Variants in CA11 observed in about 807,000 individuals in gnomAD.
The protein encoded by CA11 is carbonic anhydrase 11 (inactive), also known as carbonic anhydrase-related protein 11.
CA11 carries 20 observed loss-of-function variants against 39.3 expected under a neutral mutation model. The observed-to-expected ratio is 0.51, with a 90% CI of 0.36 to 0.74. The LOEUF (loss-of-function observed/expected upper bound fraction) is 0.74. Among genes scored for constraint, CA11 ranks in the 30% least tolerant of loss-of-function variants. The pLI is 0.00. For synonymous variants in CA11, 166 were observed against 172.5 expected (o/e 0.96, Z 0.29); for missense variants, 336 against 424.6 (o/e 0.79, Z 1.83).
Position 48,643,317 on chromosome 19 carries a change from C to A in CA11, c.285+1110G>T, listed in dbSNP as rs2031146336. Among the ~76,000 whole-genome samples, 2 of 152,210 alleles carry A rather than the reference C, an allele frequency of 1.3e-5. No individual in the cohort carries two copies. The highest frequency in any genetic ancestry group is 2.4e-5 in the African/African-American group (1 of 41,458). On this transcript the variant is annotated intron_variant, in intron 3 of 8. Transcript: ENST00000084798. The surrounding 1 kb of genome is among the most constrained non-coding windows in gnomAD (Gnocchi z 4.3). Reference sequence around the variant, plus strand: ...CTCCGCCTCCCGGGTTCAAGCAATTCTCCTGCCTCAGCCTCTCAAGTAGCT... The same window carrying A: ...CTCCGCCTCCCGGGTTCAAGCAATTATCCTGCCTCAGCCTCTCAAGTAGCT...
In CA11 at chr19:48,643,271, G is replaced by A. The variant is rs1450979017; in HGVS notation, c.285+1156C>T. ...GTCACCCAGGCTGGAGTCCAGTGGC[G>A]TGATGTCAGCTCACTGCAACCTCCG... On this transcript the variant is annotated intron_variant, in intron 3 of 8. Coordinates refer to ENST00000084798, the MANE Select transcript of CA11 (RefSeq NM_001217.5). This position sits in a 1 kb window ranked among gnomAD's most constrained non-coding sequence, Gnocchi z 4.3. Among the ~76,000 whole-genome samples the A allele has an allele frequency of 3.3e-5, 5 of 152,012 alleles. No individual in the cohort carries two copies. The highest frequency in any genetic ancestry group is 9.7e-5 in the African/African-American group (4 of 41,372).
At chr19:48,638,746 A>G in intron 8 of CA11, 142 bp downstream of exon 8, 1 of 914,334 alleles carries the variant, frequency 1.1e-6, no homozygotes, top group Non-Finnish European at 1.6e-6. Context: ...ATGTAGGGAA[A>G]GAGAGAAAAA....
In CA11 at chr19:48,645,724, G is replaced by T. The variant is rs954286194; in HGVS notation, c.-92C>A. 2.3e-5 allele frequency: 25 copies of T among 1,081,752 alleles called. No homozygotes were observed. The highest frequency in any genetic ancestry group is 3.2e-5 in the Non-Finnish European group (25 of 790,412). 67.0% of individuals were successfully genotyped at this position (1,081,752 alleles called of 1,614,324 possible). On this transcript the variant is annotated 5_prime_UTR_variant, in exon 1 of 9. Transcript: ENST00000084798. ...TCCTTCTGGGACCCTGTCCCTCCAG[G>T]ACTTCCAGCTTTCCTCTCCTCCCCA...
chr19:48,642,765 G>A (rs1238603806), intron 3 of CA11, among the ~76,000 whole-genome samples: 6 of 152,126 alleles, frequency 3.9e-5, no homozygotes, highest in Non-Finnish European at 5.9e-5. Context: ...ACATGAGACT[G>A]GGGGCAGTAG....
Position 48,646,125 on chromosome 19 carries a change from T to A in CA11, c.-493A>T, listed in dbSNP as rs890814105. 5 of 256,146 alleles carry A rather than the reference T, an allele frequency of 2.0e-5. No individual in the cohort carries two copies. Among genetic ancestry groups the A allele is most frequent in the Non-Finnish European group, 2.9e-5 (4 of 135,796 alleles). 15.9% of individuals were successfully genotyped at this position (256,146 alleles called of 1,614,324 possible). A position where few individuals can be genotyped will look rare whatever the true frequency, so the allele number is the denominator to read the frequency against. On this transcript the variant is annotated 5_prime_UTR_variant, in exon 1 of 9. Transcript: ENST00000084798. ...CCTCCCTCAGTGTCGGCCTCCAGCT[T>A]CGTGCTCTCCCCACCTCCTCCTCTC...
At chr19:48,638,275 T>C (rs3848543) in intron 8 of CA11, 131 bp from the exon 9 acceptor site, 993,616 of 1,174,836 alleles carry the variant, frequency 0.85, 422,040 homozygotes, top group Middle Eastern at 0.87. Context: ...CAGAATGTAC[T>C]AGGTCGAGAA....
intron 3 of CA11, 84 bp from the exon 4 acceptor site, chr19:48,640,364 AGTCT>A: frequency 1.5e-6 from 1 of 677,472 alleles, no homozygotes; most frequent in Non-Finnish European, 2.3e-6. Flanking sequence ...TGATTCCAAC[AGTCT>A]TTTTTTTTTT....
chr19:48,638,314 A>G (rs1166796121), intron 8 of CA11, 170 bp from the exon 9 acceptor site: 2 of 1,038,578 alleles, frequency 1.9e-6, no homozygotes, highest in Admixed American at 7.6e-5. Context: ...AGAAGCCAAT[A>G]GGAGGGGGGA....
At position 48,645,830 on chromosome 19, in the gene CA11, GTC is replaced by G; in HGVS notation, c.-200_-199del. 1 of 538,058 alleles carries G rather than the reference GTC, an allele frequency of 1.9e-6. No homozygotes were observed. The highest frequency in any genetic ancestry group is 2.6e-5 in the South Asian group (1 of 39,164). The allele number at this position is 538,058 out of a possible 1,614,324, so 33.3% of individuals were successfully genotyped here. A position where few individuals can be genotyped will look rare whatever the true frequency, so the allele number is the denominator to read the frequency against. ...CAAACCCACTCTTCTTCTCTCTCCC[GTC>G]TCTCTGTGTCTTTCCTCTTTCCTCT... is the stretch of plus-strand genomic sequence containing the variant. On this transcript the variant is annotated 5_prime_UTR_variant, in exon 1 of 9. Transcript: ENST00000084798.
chr19:48,640,205 C>T lies in CA11; in HGVS notation c.361G>A (p.Gly121Arg), dbSNP rs1169489978. The T allele has an allele frequency of 1.2e-6, 2 of 1,613,936 alleles. No individual in the cohort carries two copies. The highest frequency in any genetic ancestry group is 1.7e-6 in the Non-Finnish European group (2 of 1,180,012). ...CGGTGGCTGTAAAGGAGGGGACCTC[C>T]AGACACATTGACCACAGGTCGGGGT... ...PAPRPVVNVS[G>R]GPLLYSHRLS... The change falls in exon 4 of 9, where the codon GGA becomes AGA. Residue 121 changes from glycine to arginine, a missense_variant. Transcript: ENST00000084798.
chr19:48,638,440 AC>A, intron 8 of CA11: 1 of 1,013,596 alleles, frequency 9.9e-7, no homozygotes, highest in Non-Finnish European at 1.2e-6. Context: ...CCTGGGCTAA[AC>A]CACAGGGAGG....
rs1221691201 is a variant in CA11 at position 48,639,579 on chromosome 19, G to A, written c.610C>T (p.Arg204Cys). 3 of 1,613,996 alleles carry A rather than the reference G, an allele frequency of 1.9e-6. No individual in the cohort carries two copies. Among genetic ancestry groups the A allele is most frequent in the South Asian group, 1.1e-5 (1 of 91,078 alleles). Residue 204 changes from arginine (R) to cysteine (C), a missense_variant, in exon 6 of 9, where the codon CGC (arginine) becomes TGC (cysteine). Physicochemically the swap from Arg to Cys is radical, Grantham distance 180. Transcript: ENST00000084798. ...TAGGAGATGCGAGTGATGGTGTCGC[G>A]GTTAAGGAGGCGACTGAGGAATGGG... ...SNPFLSRLLN[R>C]DTITRISYKN...
At chr19:48,641,082 C>T (rs2031071350) in intron 3 of CA11, among the ~76,000 whole-genome samples, 1 of 151,620 alleles carries the variant, frequency 6.6e-6, no homozygotes. Flanking sequence ...TGGGTTCAAG[C>T]GATTCTCCTC....
In CA11 at chr19:48,640,294, G is replaced by A. The variant is rs2031027979; in HGVS notation, c.286-14C>T. 2 of 1,612,446 alleles carry A rather than the reference G, an allele frequency of 1.2e-6. No individual in the cohort carries two copies. The highest frequency in any genetic ancestry group is 1.7e-6 in the Non-Finnish European group (2 of 1,179,358). ...GGTTCCCCGGAGCTGTGGGAGAGGC[G>A]GGAGCTGTCAGGGGGCAGGGAGAGA... On this transcript the variant is annotated splice_polypyrimidine_tract_variant and intron_variant, in intron 3 of 8. Coordinates refer to ENST00000084798, the MANE Select transcript of CA11 (RefSeq NM_001217.5).
intron 3 of CA11, among the ~76,000 whole-genome samples, chr19:48,640,831 C>G (rs1346290915): frequency 7.2e-5 from 11 of 151,872 alleles, no homozygotes; most frequent in Admixed American, 7.2e-4. Context: ...CCCGCCACCA[C>G]ACCCGGCTAA....
intron 3 of CA11, among the ~76,000 whole-genome samples, chr19:48,641,795 C>T (rs2031092908): frequency 6.6e-6 from 1 of 151,620 alleles, no homozygotes; most frequent in Admixed American, 6.6e-5. Context: ...CAGTCACATA[C>T]CACCATGCCC....
intron 4 of CA11, 52 bp from the exon 5 acceptor site, chr19:48,639,935 G>T: frequency 1.3e-6 from 2 of 1,570,828 alleles, no homozygotes; most frequent in South Asian, 2.2e-5. Flanking sequence ...AGGAGAGCAT[G>T]ACCCCAGCTT....
intron 8 of CA11, 67 bp downstream of exon 8, chr19:48,638,821 A>C: frequency 6.9e-7 from 1 of 1,444,630 alleles, no homozygotes; most frequent in Non-Finnish European, 9.2e-7. Context: ...TCACACTGAG[A>C]CACCAAGGGG....
chr19:48,639,131 T>C, intron 7 of CA11, 78 bp from the exon 8 acceptor site: 1 of 1,569,688 alleles, frequency 6.4e-7, no homozygotes, highest in Non-Finnish European at 8.7e-7. Context: ...ACCCCGCCCC[T>C]GGGAGCAGGT....
Sources: gnomAD v4.1 joint callset for allele counts (sites outside exome capture counted in the v4.1 genomes callset) on GRCh38, gnomAD v4.1.1 for gene constraint, Gnocchi (gnomAD v3.1) non-coding constraint, MANE v1.5 for transcripts, NCBI Gene and HGNC (gene_info 2026-07-23, HGNC 2026-07-21) for gene names.